The following MYO16 variants were observed in gnomAD, a reference collection of about 807,000 sequenced individuals.
MYO16 encodes unconventional myosin-XVI.
In MYO16, 94 loss-of-function variants were observed where a neutral mutation model predicts 205.3. The ratio of observed to expected loss-of-function variants is 0.46; its 90% CI spans 0.39 to 0.54. The LOEUF (loss-of-function observed/expected upper bound fraction) is 0.54. MYO16 is among the 20% of genes least tolerant of loss of function. The pLI is 0.00. For missense variants in MYO16, 2,315 were observed against 2,387.5 expected (o/e 0.97, Z 0.63); for synonymous variants, 988 against 954.0 (o/e 1.04, Z -0.66).
chr13:108,697,732 C>CT (rs531850478), intron 2 of MYO16, among the ~76,000 whole-genome samples: 57 of 150,940 alleles, frequency 3.8e-4, no homozygotes, highest in East Asian at 7.7e-4. Flanking sequence ...TTTCTTTTTT[C>CT]TTTTTTTTGA....
chr13:109,181,831 T>A (rs55837916), intron 34 of MYO16, among the ~76,000 whole-genome samples: 20,947 of 147,006 alleles, frequency 0.14, 1,847 homozygotes, highest in Middle Eastern at 0.21. Context: ...ATTTTATTTT[T>A]TTTTTTGAGA....
chr13:109,083,336 T>C (rs1888337365), intron 27 of MYO16, among the ~76,000 whole-genome samples: 1 of 131,538 alleles, frequency 7.6e-6, no homozygotes, highest in Non-Finnish European at 1.5e-5. Context: ...TAGCCTGAGA[T>C]TGCACCACTG....
At position 109,140,158 on chromosome 13, in the gene MYO16, A is replaced by G; in HGVS notation, c.4052-106A>G. The G allele has an allele frequency of 6.6e-7, 1 of 1,505,710 alleles. No homozygotes were observed. The highest frequency in any genetic ancestry group is 8.8e-7 in the Non-Finnish European group (1 of 1,138,934). 93.3% of individuals were successfully genotyped at this position (1,505,710 alleles called of 1,614,324 possible). A position where few individuals can be genotyped will look rare whatever the true frequency, so the allele number is the denominator to read the frequency against. On this transcript the variant is annotated intron_variant, in intron 31 of 34. Transcript: ENST00000457511. The surrounding 1 kb of genome is among the most constrained non-coding windows in gnomAD (Gnocchi z 8.0). Reference sequence around the variant, plus strand: ...GAACATGCAGGCCCGGTCCCTTGGGATTCTCGGGGCACGGGGCCGTGGCTC... The same window carrying G: ...GAACATGCAGGCCCGGTCCCTTGGGGTTCTCGGGGCACGGGGCCGTGGCTC...
chr13:109,115,902 C>T (rs1332446111), intron 28 of MYO16, among the ~76,000 whole-genome samples: 1 of 152,148 alleles, frequency 6.6e-6, no homozygotes. Flanking sequence ...CAAAATATTA[C>T]TTAACTGCTA....
chr13:109,055,147 T>C lies in MYO16; in HGVS notation c.3129+21T>C. On this transcript the variant is annotated intron_variant, in intron 26 of 34. Transcript: ENST00000457511. This position sits in a 1 kb window ranked among gnomAD's most constrained non-coding sequence, Gnocchi z 5.0. Reference sequence around the variant, plus strand: ...TCAGGGTTAGTGACGTTTTCAGATTTCAAAAACTTAATGTATGTTTATAGC... The same window carrying C: ...TCAGGGTTAGTGACGTTTTCAGATTCCAAAAACTTAATGTATGTTTATAGC... 6.5e-7 allele frequency: 1 copy of C among 1,535,306 alleles called. No individual in the cohort carries two copies. Among genetic ancestry groups the C allele is most frequent in the Non-Finnish European group, 8.8e-7 (1 of 1,134,556 alleles).
At chr13:108,865,841 T>G (rs1878685287) in intron 11 of MYO16, among the ~76,000 whole-genome samples, 1 of 152,120 alleles carries the variant, frequency 6.6e-6, no homozygotes, top group Non-Finnish European at 1.5e-5. Flanking sequence ...GACTTTTTCG[T>G]AGGCATTTTG....
intron 2 of MYO16, among the ~76,000 whole-genome samples, chr13:108,699,228 GTATA>G (rs1883208363): frequency 6.6e-6 from 1 of 151,210 alleles, no homozygotes; most frequent in South Asian, 2.1e-4. Flanking sequence ...ATGTATTTAT[GTATA>G]TATAGTTATT....
intron 6 of MYO16, among the ~76,000 whole-genome samples, chr13:108,795,220 C>A (rs1230393612): frequency 6.8e-6 from 1 of 147,338 alleles, no homozygotes; most frequent in African/African-American, 2.5e-5. Flanking sequence ...TAAATGGAAT[C>A]TTTCCCTGTC....
intron 4 of MYO16, among the ~76,000 whole-genome samples, chr13:108,772,170 G>A (rs2138882766): frequency 6.6e-6 from 1 of 151,644 alleles, no homozygotes; most frequent in Admixed American, 6.6e-5. Context: ...GCAACATGGT[G>A]AGACCCAGTT....
At chr13:109,146,900 T>C (rs1877363049) in intron 32 of MYO16, among the ~76,000 whole-genome samples, 1 of 151,272 alleles carries the variant, frequency 6.6e-6, no homozygotes, top group Admixed American at 6.6e-5. Flanking sequence ...TTAAATAATA[T>C]ATATTTAAAT....
intron 6 of MYO16, among the ~76,000 whole-genome samples, chr13:108,800,993 A>T (rs1326175084): frequency 3.3e-5 from 5 of 152,250 alleles, no homozygotes; most frequent in African/African-American, 9.6e-5. Context: ...AGAAATGTTA[A>T]TATCGTTGAT....
chr13:108,658,401 C>T (rs1037848966), intron 1 of MYO16, among the ~76,000 whole-genome samples: 2 of 144,090 alleles, frequency 1.4e-5, no homozygotes, highest in Admixed American at 1.4e-4. Context: ...ATTTTATTTT[C>T]TTCCTTCTTT....
At chr13:108,876,548 C>T (rs1056072709) in intron 12 of MYO16, among the ~76,000 whole-genome samples, 4 of 152,096 alleles carry the variant, frequency 2.6e-5, no homozygotes, top group African/African-American at 9.7e-5. Flanking sequence ...TGAAGTTATC[C>T]TTCCATCCAG....
chr13:108,589,078 G>C, the MYO16 span, among the ~76,000 whole-genome samples: 1 of 152,200 alleles, frequency 6.6e-6, no homozygotes, highest in Non-Finnish European at 1.5e-5. Flanking sequence ...AGGCAAAGGT[G>C]AGCTGAGAGC....
At chr13:108,544,557 A>C in the MYO16 span, among the ~76,000 whole-genome samples, 1 of 152,188 alleles carries the variant, frequency 6.6e-6, no homozygotes, top group South Asian at 2.1e-4. Context: ...CAGTTATTAA[A>C]AGAGTTACAT....
intron 1 of MYO16, among the ~76,000 whole-genome samples, chr13:108,623,462 A>G (rs1879615290): frequency 1.3e-5 from 2 of 152,304 alleles, no homozygotes; most frequent in Middle Eastern, 3.4e-3. Context: ...ACTTGCAGCC[A>G]GATCTCCCTA....
At chr13:108,709,120 A>C (rs936598385) in intron 2 of MYO16, among the ~76,000 whole-genome samples, 1 of 151,470 alleles carries the variant, frequency 6.6e-6, no homozygotes, top group African/African-American at 2.4e-5. Flanking sequence ...GCGCTTCGTT[A>C]TTCTATTTGG....
chr13:108,869,398 G>A (rs939214230), intron 12 of MYO16, among the ~76,000 whole-genome samples: 1 of 151,902 alleles, frequency 6.6e-6, no homozygotes, highest in Non-Finnish European at 1.5e-5. Context: ...TTCCACTGGT[G>A]TGTTCTCCAT....
intron 7 of MYO16, among the ~76,000 whole-genome samples, chr13:108,817,414 A>C (rs910507548): frequency 2.6e-4 from 40 of 152,348 alleles, no homozygotes; most frequent in Non-Finnish European, 5.1e-4. Context: ...GGGCAAACAT[A>C]TACATTTCTG....
Sources: allele counts gnomAD v4.1 joint callset (sites outside exome capture counted in the v4.1 genomes callset), GRCh38; gene constraint gnomAD v4.1.1; non-coding constraint Gnocchi (gnomAD v3.1); transcripts MANE v1.5; gene names NCBI Gene and HGNC (gene_info 2026-07-23, HGNC 2026-07-21).